Variants in ENPP6 observed in about 807,000 individuals in gnomAD.
ENPP6 encodes glycerophosphocholine cholinephosphodiesterase ENPP6.
ENPP6 carries 32 observed loss-of-function variants against 42.0 expected under a neutral mutation model. That is an observed-to-expected ratio of 0.76 (90% confidence interval 0.58 to 1.02). The LOEUF is 1.02. Among genes scored for constraint, ENPP6 ranks in the 50% least tolerant of loss-of-function variants. The pLI is 0.00. For synonymous variants in ENPP6, 213 were observed against 216.0 expected, an observed-to-expected ratio of 0.99 and a Z score of 0.12; for missense variants, 552 against 566.8, an observed-to-expected ratio of 0.97 and a Z score of 0.27.
rs377226218 is a variant in ENPP6 at position 184,116,976 on chromosome 4, G to C, written c.735C>G (p.Asp245Glu). The change falls in exon 5 of 8, where the codon GAC becomes GAG. Residue 245 changes from aspartate (D) to glutamate (E), a missense_variant. Transcript: ENST00000296741. ...VIIFSDHGMTDIFWMDKVIEL... is the reference protein window; with the variant it reads ...VIIFSDHGMTEIFWMDKVIEL... Reference sequence around the variant, plus strand: ...CAATCACTTTGTCCATCCAGAAAATGTCGGTCATTCCGTGATCCGAGAAAA... The same window carrying C: ...CAATCACTTTGTCCATCCAGAAAATCTCGGTCATTCCGTGATCCGAGAAAA... The C allele has an allele frequency of 1.2e-6, 2 of 1,614,214 alleles. No homozygotes were observed. Among genetic ancestry groups the C allele is most frequent in the Non-Finnish European group, 8.5e-7 (1 of 1,180,038 alleles).
chr4:184,143,839 G>A (rs536122040), intron 2 of ENPP6, among the ~76,000 whole-genome samples: 1 of 152,336 alleles, frequency 6.6e-6, no homozygotes, highest in East Asian at 1.9e-4. Context: ...CTTCTGCCCT[G>A]AAGTTCCTCA....
chr4:184,130,375 G>A (rs567439557), intron 2 of ENPP6, among the ~76,000 whole-genome samples: 4 of 148,190 alleles, frequency 2.7e-5, no homozygotes, highest in East Asian at 2.0e-4. Context: ...TGGCTAACAC[G>A]GTGAAACCCT....
intron 1 of ENPP6, among the ~76,000 whole-genome samples, chr4:184,160,565 G>C (rs1367670492): frequency 2.6e-5 from 4 of 152,228 alleles, no homozygotes; most frequent in Non-Finnish European, 5.9e-5. Context: ...GCAAAGCAGA[G>C]AGTGTGTGTG....
chr4:184,210,348 C>T (rs1390082650), intron 1 of ENPP6, among the ~76,000 whole-genome samples: 4 of 136,136 alleles, frequency 2.9e-5, no homozygotes, highest in South Asian at 5.3e-4. Context: ...ACCCATCTCA[C>T]GTGCAGAGAC....
At chr4:184,194,040 G>T (rs1046070452) in intron 1 of ENPP6, among the ~76,000 whole-genome samples, 4 of 152,074 alleles carry the variant, frequency 2.6e-5, no homozygotes, top group African/African-American at 9.7e-5. Context: ...CCTCTTCCTT[G>T]TCTCCTTTGA....
chr4:184,214,539 T>C (rs574591016), intron 1 of ENPP6, among the ~76,000 whole-genome samples: 2 of 152,282 alleles, frequency 1.3e-5, no homozygotes, highest in East Asian at 3.9e-4. Flanking sequence ...CAGCCCTAAC[T>C]TTAAAATTAC....
At chr4:184,157,431 T>TC (rs1560995716) in intron 1 of ENPP6, among the ~76,000 whole-genome samples, 25 of 77,238 alleles carry the variant, frequency 3.2e-4, no homozygotes, top group Middle Eastern at 6.1e-3. Flanking sequence ...CTTTCTTTCC[T>TC]TTTCTTTCTT....
chr4:184,143,135 G>A (rs17075343), intron 2 of ENPP6, among the ~76,000 whole-genome samples: 4,110 of 152,246 alleles, frequency 0.027, 179 homozygotes, highest in African/African-American at 0.086. Flanking sequence ...TGGTTTCCTC[G>A]CATTTGGATC....
intron 1 of ENPP6, among the ~76,000 whole-genome samples, chr4:184,206,546 G>A (rs569456062): frequency 2.6e-5 from 4 of 152,096 alleles, no homozygotes; most frequent in East Asian, 3.9e-4. Flanking sequence ...GTGAGCCACC[G>A]CGCCCGGCCA....
intron 1 of ENPP6, among the ~76,000 whole-genome samples, chr4:184,155,067 C>G (rs1185053862): frequency 6.6e-6 from 1 of 152,068 alleles, no homozygotes; most frequent in Non-Finnish European, 1.5e-5. Flanking sequence ...CCAGGCTTCC[C>G]GGGGCTGGGT....
intron 1 of ENPP6, among the ~76,000 whole-genome samples, chr4:184,165,109 G>A (rs538038578): frequency 1.3e-5 from 2 of 152,306 alleles, no homozygotes; most frequent in South Asian, 2.1e-4. Flanking sequence ...CTGAGGAAGC[G>A]CTTTACCTGG....
chr4:184,153,132 C>T (rs11736094), intron 2 of ENPP6, among the ~76,000 whole-genome samples: 74,090 of 146,948 alleles, frequency 0.5, 19,116 homozygotes, highest in East Asian at 0.81. Flanking sequence ...TTTTCTTTTT[C>T]TTTTTTTTTC....
intron 3 of ENPP6, among the ~76,000 whole-genome samples, chr4:184,121,709 T>C (rs542222779): frequency 6.6e-6 from 1 of 152,346 alleles, no homozygotes; most frequent in South Asian, 2.1e-4. Context: ...AATGATTCCT[T>C]TGAGCCACAT....
intron 7 of ENPP6, 41 bp downstream of exon 7, chr4:184,097,204 G>A (rs1735925605): frequency 1.2e-6 from 2 of 1,612,238 alleles, no homozygotes; most frequent in Non-Finnish European, 1.7e-6. Context: ...ACACTTCCTT[G>A]GGAATGGGGT....
chr4:184,159,982 T>G (rs1463878229), intron 1 of ENPP6, among the ~76,000 whole-genome samples: 4 of 152,270 alleles, frequency 2.6e-5, no homozygotes. Context: ...AGACATTATT[T>G]CATTCCTTTT....
chr4:184,125,521 C>T (rs1736489039), intron 2 of ENPP6, among the ~76,000 whole-genome samples: 1 of 152,132 alleles, frequency 6.6e-6, no homozygotes, highest in Non-Finnish European at 1.5e-5. Flanking sequence ...GAAGGAGTCC[C>T]TGTCAGGAAG....
intron 6 of ENPP6, among the ~76,000 whole-genome samples, chr4:184,107,887 C>A (rs1186829661): frequency 6.6e-6 from 1 of 150,656 alleles, no homozygotes; most frequent in Non-Finnish European, 1.5e-5. Flanking sequence ...TACCCTCTAG[C>A]CTGGGCAACA....
intron 7 of ENPP6, among the ~76,000 whole-genome samples, chr4:184,096,597 T>C (rs6831986): frequency 0.37 from 55,510 of 152,032 alleles, 11,105 homozygotes; most frequent in East Asian, 0.62. Flanking sequence ...GGGATCCATC[T>C]GTTAAATCAA....
At chr4:184,157,479 TCTTTCCTTC>T (rs1200972075) in intron 1 of ENPP6, among the ~76,000 whole-genome samples, 1 of 151,614 alleles carries the variant, frequency 6.6e-6, no homozygotes, top group Non-Finnish European at 1.5e-5. Flanking sequence ...TCCTTTCCTT[TCTTTCCTTC>T]CTTTCCTTTC....
Sources: gnomAD v4.1 joint callset for allele counts (sites outside exome capture counted in the v4.1 genomes callset) on GRCh38, gnomAD v4.1.1 for gene constraint, MANE v1.5 for transcripts, NCBI Gene and HGNC (gene_info 2026-07-23, HGNC 2026-07-21) for gene names.